Variants in DUSP7 observed in about 807,000 individuals in gnomAD.
DUSP7 encodes the protein dual specificity phosphatase 7, also known as dual specificity protein phosphatase 7.
Under a neutral mutation model 29.8 loss-of-function variants are expected in DUSP7, and 7 were observed. That is an observed-to-expected ratio of 0.24 (90% CI 0.13 to 0.44). The LOEUF (loss-of-function observed/expected upper bound fraction) is 0.44. Among genes scored for constraint, DUSP7 ranks in the 20% least tolerant of loss-of-function variants. The pLI, the probability that DUSP7 is intolerant of heterozygous loss-of-function variation, is 1.00. For synonymous variants in DUSP7, 287 were observed against 275.4 expected (o/e 1.04, Z -0.42); for missense variants, 400 against 583.7 (o/e 0.69, Z 3.24).
Position 52,053,694 on chromosome 3 carries a change from T to TGGGG in DUSP7, c.952+245_952+246insCCCC, listed in dbSNP as rs1299231099. ...CACAAGCTGGACAGCAGAGAGCCCA[T>TGGGG]GACGTGCTGTCAGCTAGGGGGAGCT... On this transcript the variant is annotated intron_variant, in intron 2 of 2. Transcript: ENST00000495880. This position sits in a 1 kb window ranked among gnomAD's most constrained non-coding sequence, Gnocchi z 4.6. 4 of 559,360 alleles carry TGGGG rather than the reference T, an allele frequency of 7.2e-6. No homozygotes were observed. Among genetic ancestry groups the TGGGG allele is most frequent in the Non-Finnish European group, 1.3e-5 (4 of 311,318 alleles). 34.6% of individuals were successfully genotyped at this position (559,360 alleles called of 1,614,324 possible).
intron 1 of DUSP7, among the ~76,000 whole-genome samples, 170 bp downstream of exon 1, chr3:52,055,680 G>A (rs566784260): frequency 3.0e-4 from 46 of 152,354 alleles, no homozygotes; most frequent in African/African-American, 1.0e-3. Flanking sequence ...CCCCGCGCCT[G>A]CCAAACCACA....
rs749973797 is a variant in DUSP7, at chr3:52,054,847, C to G, written c.518-473G>C. On this transcript the variant is annotated intron_variant, in intron 1 of 2. Transcript: ENST00000495880. The surrounding 1 kb of genome is among the most constrained non-coding windows in gnomAD (Gnocchi z 4.1). ...ACAGGTGCCAGAGCCACATCTGGCT[C>G]AGTTAGAGGCAGAGAGGTCCTGGGC... Among the ~76,000 whole-genome samples the G allele has an allele frequency of 2.0e-5, 3 of 152,360 alleles. No homozygotes were observed. The East Asian group carries it at 5.8e-4, about 29-fold the overall frequency.
At position 52,054,003 on chromosome 3, in the gene DUSP7, G is replaced by T; in HGVS notation, c.889C>A (p.Pro297Thr). 6.2e-7 allele frequency: 1 copy of T among 1,614,228 alleles called. No individual in the cohort carries two copies. The highest frequency in any genetic ancestry group is 2.2e-5 in the East Asian group (1 of 44,882). ...TTCTGGCTCCAGTGGTCAGAGATGG[G>T]GATCTGCTTGTAGGTGAACTCGCCG... The part of the protein sequence containing the change: ...HGGEFTYKQI[P>T]ISDHWSQNLS... The change falls in exon 2 of 3, where the codon CCC becomes ACC. Residue 297 changes from proline to threonine, a missense_variant. By Grantham distance (38) the Pro-to-Thr change is conservative. Transcript: ENST00000495880. The surrounding 1 kb of genome is among the most constrained non-coding windows in gnomAD (Gnocchi z 4.1).
rs527671886 is a variant in DUSP7 at position 52,055,723 on chromosome 3, G to T, written c.517+127C>A. ...GACCCGGCTCCAGGAGGGCGGATGC[G>T]GGCCGGGGACGACGTGGCGCCCAGA... On this transcript the variant is annotated intron_variant, in intron 1 of 2. Coordinates refer to ENST00000495880, the MANE Select transcript of DUSP7 (RefSeq NM_001947.4). 5.0e-4 allele frequency: 606 copies of T among 1,201,868 alleles called. 2 individuals carry two copies. Among genetic ancestry groups the T allele is most frequent in the Admixed American group, 8.5e-4 (28 of 33,106 alleles). 74.5% of individuals were successfully genotyped at this position (1,201,868 alleles called of 1,614,324 possible).
At position 52,055,956 on chromosome 3, in the gene DUSP7, G is replaced by A; in HGVS notation, c.411C>T (p.Asp137=). 1 of 1,574,094 alleles carries A rather than the reference G, an allele frequency of 6.4e-7. No individual in the cohort carries two copies. The highest frequency in any genetic ancestry group is 8.6e-7 in the Non-Finnish European group (1 of 1,161,372). Reference sequence around the variant, plus strand: ...CGGGCTGCCACTCGGCCGTGGCCTCGTCGTAGAGCAGCACGGTGGCCGCCT... The same window carrying A: ...CGGGCTGCCACTCGGCCGTGGCCTCATCGTAGAGCAGCACGGTGGCCGCCT... ...RCKAATVLLY[D]EATAEWQPEP... is the part of the protein sequence containing the mutation. Residue 137 remains aspartate, a synonymous_variant, in exon 1 of 3, where the codon GAC becomes GAT. Coordinates refer to ENST00000495880, the MANE Select transcript of DUSP7 (RefSeq NM_001947.4).
In DUSP7 at chr3:52,053,392, C is replaced by T. The variant is rs1161539044; in HGVS notation, c.952+548G>A. On this transcript the variant is annotated intron_variant, in intron 2 of 2. Transcript: ENST00000495880. The surrounding 1 kb of genome is among the most constrained non-coding windows in gnomAD (Gnocchi z 4.6). Reference sequence around the variant, plus strand: ...TTCTCTTGCACTCCTCCCTACACTCCAAGCAAGCCCTACAGGCTGCAGAGA... The same window carrying T: ...TTCTCTTGCACTCCTCCCTACACTCTAAGCAAGCCCTACAGGCTGCAGAGA... The T allele has an allele frequency of 1.1e-5, 2 of 175,846 alleles. No individual in the cohort carries two copies. Among genetic ancestry groups the T allele is most frequent in the East Asian group, 2.9e-4 (2 of 6,916 alleles). The allele number at this position is 175,846 out of a possible 1,614,324, so 10.9% of individuals were successfully genotyped here.
rs1334871704 is a variant in DUSP7 at position 52,050,156 on chromosome 3, C to G, written c.*659G>C. On this transcript the variant is annotated 3_prime_UTR_variant, in exon 3 of 3. Coordinates refer to ENST00000495880, the MANE Select transcript of DUSP7 (RefSeq NM_001947.4). This position sits in a 1 kb window ranked among gnomAD's most constrained non-coding sequence, Gnocchi z 5.0. ...GTAAGCCACCCCTTCAAGAAGGGCCCGCTGAGGAAACAGAGGCTTCACACA... is the reference window on the plus strand; with the variant it reads ...GTAAGCCACCCCTTCAAGAAGGGCCGGCTGAGGAAACAGAGGCTTCACACA... 6.6e-6 allele frequency: 1 copy of G among 152,166 alleles called. No homozygotes were observed. The highest frequency in any genetic ancestry group is 1.5e-5 in the Non-Finnish European group (1 of 68,026). The allele number at this position is 152,166 out of a possible 1,614,324, so 9.4% of individuals were successfully genotyped here.
chr3:52,049,808 G>A lies in DUSP7; in HGVS notation c.*1007C>T, dbSNP rs1045113097. 6.6e-6 allele frequency: 1 copy of A among 152,224 alleles called. No individual in the cohort carries two copies. Among genetic ancestry groups the A allele is most frequent in the Non-Finnish European group, 1.5e-5 (1 of 68,044 alleles). The allele number at this position is 152,224 out of a possible 1,614,324, so 9.4% of individuals were successfully genotyped here. A position where few individuals can be genotyped will look rare whatever the true frequency, so the allele number is the denominator to read the frequency against. On this transcript the variant is annotated 3_prime_UTR_variant, in exon 3 of 3. Transcript: ENST00000495880. ...AGAGAGAGAGACAGACAGACAGACA[G>A]AAGTAGTGGCTAAGTATATAAAAGG...
rs1701846505 is a variant in DUSP7 at position 52,051,484 on chromosome 3, A to G, written c.953-362T>C. On this transcript the variant is annotated intron_variant, in intron 2 of 2. Coordinates refer to ENST00000495880, the MANE Select transcript of DUSP7 (RefSeq NM_001947.4). The surrounding 1 kb of genome is among the most constrained non-coding windows in gnomAD (Gnocchi z 4.8). ...GATCATGGCTAGTCCTACCACTGCC[A>G]TGTGCGTTAACGACTGCTGTCACGG... 9.0e-6 allele frequency: 2 copies of G among 222,456 alleles called. No individual in the cohort carries two copies. The highest frequency in any genetic ancestry group is 4.5e-5 in the African/African-American group (2 of 44,210). The allele number at this position is 222,456 out of a possible 1,614,324, so 13.8% of individuals were successfully genotyped here.
Position 52,056,479 on chromosome 3 carries a change from G to C in DUSP7, c.-113C>G. 1.0e-5 allele frequency: 5 copies of C among 477,006 alleles called. No homozygotes were observed. The highest frequency in any genetic ancestry group is 1.4e-5 in the Non-Finnish European group (5 of 368,490). The allele number at this position is 477,006 out of a possible 1,614,324, so 29.5% of individuals were successfully genotyped here. ...GCGCCCGCCTCCCGCCGAGCTGCGC[G>C]CCCGCCGCCCCGGCCTCCCGGCCTC... On this transcript the variant is annotated 5_prime_UTR_variant, in exon 1 of 3. Coordinates refer to ENST00000495880, the MANE Select transcript of DUSP7 (RefSeq NM_001947.4). This position sits in a 1 kb window ranked among gnomAD's most constrained non-coding sequence, Gnocchi z 6.4.
chr3:52,050,622 A>G lies in DUSP7; in HGVS notation c.*193T>C, dbSNP rs1275289886. 7.6e-6 allele frequency: 5 copies of G among 657,074 alleles called. No homozygotes were observed. Among genetic ancestry groups the G allele is most frequent in the South Asian group, 2.2e-5 (1 of 46,390 alleles). The allele number at this position is 657,074 out of a possible 1,614,324, so 40.7% of individuals were successfully genotyped here. A position where few individuals can be genotyped will look rare whatever the true frequency, so the allele number is the denominator to read the frequency against. On this transcript the variant is annotated 3_prime_UTR_variant, in exon 3 of 3. Transcript: ENST00000495880. The surrounding 1 kb of genome is among the most constrained non-coding windows in gnomAD (Gnocchi z 5.0). ...CCGAGGCCTCTCCAGCAAGCCCTGC[A>G]GTGGGAGACCTTGCCTGCGGGCCCT...
intron 1 of DUSP7, among the ~76,000 whole-genome samples, chr3:52,055,408 T>C (rs1318005745): frequency 3.9e-5 from 6 of 151,978 alleles, no homozygotes; most frequent in African/African-American, 1.5e-4. Context: ...ACCCAAATGG[T>C]CTCCATGCGC....
In DUSP7 at chr3:52,049,853, T is replaced by C. The variant is rs1701828966; in HGVS notation, c.*962A>G. 1 of 152,184 alleles carries C rather than the reference T, an allele frequency of 6.6e-6. No homozygotes were observed. Among genetic ancestry groups the C allele is most frequent in the Admixed American group, 6.5e-5 (1 of 15,284 alleles). The allele number at this position is 152,184 out of a possible 1,614,324, so 9.4% of individuals were successfully genotyped here. A position where few individuals can be genotyped will look rare whatever the true frequency, so the allele number is the denominator to read the frequency against. ...AAAAGGGCTCAGAGCCCAGGCCTTC[T>C]TAGGGGCTGACCCCAGAGGGCTAAT... On this transcript the variant is annotated 3_prime_UTR_variant, in exon 3 of 3. Coordinates refer to ENST00000495880, the MANE Select transcript of DUSP7 (RefSeq NM_001947.4).
rs1367132385 is a variant in DUSP7, at chr3:52,050,991, T to C, written c.1084A>G (p.Lys362Glu). ...LSLNDAYDFV[K>E]RKKSNISPNF... Reference sequence around the variant, plus strand: ...GGCGAGATGTTGGACTTTTTCCTCTTGACAAAGTCGTAGGCGTCGTTGAGT... The same window carrying C: ...GGCGAGATGTTGGACTTTTTCCTCTCGACAAAGTCGTAGGCGTCGTTGAGT... The change falls in exon 3 of 3, where the codon AAG becomes GAG. Residue 362 changes from lysine (K) to glutamate (E), a missense_variant. This residue lies in a region of DUSP7 where 75 missense variants were observed against 95.0 expected (regional missense o/e 0.79). Coordinates refer to ENST00000495880, the MANE Select transcript of DUSP7 (RefSeq NM_001947.4). This position sits in a 1 kb window ranked among gnomAD's most constrained non-coding sequence, Gnocchi z 5.0. 1 of 1,614,256 alleles carries C rather than the reference T, an allele frequency of 6.2e-7. No individual in the cohort carries two copies. The highest frequency in any genetic ancestry group is 1.1e-5 in the South Asian group (1 of 91,084).
In DUSP7 at chr3:52,056,425, GGCCGCGCGGGCCCCA is replaced by G. The variant is rs1701901794; in HGVS notation, c.-74_-60del. Reference sequence around the variant, plus strand: ...CAGCCCTGCCCTGGGACGGCGCCCCGGCCGCGCGGGCCCCAGCCGCGTCTCCGGGCGCCCGCCTCC... The same window carrying G: ...CAGCCCTGCCCTGGGACGGCGCCCCGGCCGCGTCTCCGGGCGCCCGCCTCC... On this transcript the variant is annotated 5_prime_UTR_variant, in exon 1 of 3. Coordinates refer to ENST00000495880, the MANE Select transcript of DUSP7 (RefSeq NM_001947.4). This position sits in a 1 kb window ranked among gnomAD's most constrained non-coding sequence, Gnocchi z 6.4. 4.4e-6 allele frequency: 4 copies of G among 901,632 alleles called. No individual in the cohort carries two copies. The highest frequency in any genetic ancestry group is 6.3e-5 in the Admixed American group (1 of 15,840). The allele number at this position is 901,632 out of a possible 1,614,324, so 55.9% of individuals were successfully genotyped here.
rs968365626 is a variant in DUSP7, at chr3:52,054,779, G to A, written c.518-405C>T. On this transcript the variant is annotated intron_variant, in intron 1 of 2. Transcript: ENST00000495880. This position sits in a 1 kb window ranked among gnomAD's most constrained non-coding sequence, Gnocchi z 4.1. ...AAGAAAAGCAGACAACCCCATCTTAGCCAGCACCTCTGGGTTGGCAAACTC... is the reference window on the plus strand; with the variant it reads ...AAGAAAAGCAGACAACCCCATCTTAACCAGCACCTCTGGGTTGGCAAACTC... Among the ~76,000 whole-genome samples, 1 of 152,186 alleles carries A rather than the reference G, an allele frequency of 6.6e-6. No homozygotes were observed. Among genetic ancestry groups the A allele is most frequent in the African/African-American group, 2.4e-5 (1 of 41,440 alleles).
At position 52,053,837 on chromosome 3, in the gene DUSP7, G is replaced by T. The variant is rs765094050; in HGVS notation, c.952+103C>A. On this transcript the variant is annotated intron_variant, in intron 2 of 2. Transcript: ENST00000495880. This position sits in a 1 kb window ranked among gnomAD's most constrained non-coding sequence, Gnocchi z 4.6. ...GCTGGCACACGTAGGGCACACACAG[G>T]TCTCAACAGGCCCAGAGGTACCCAG... The T allele has an allele frequency of 1.5e-6, 2 of 1,312,234 alleles. No homozygotes were observed. Among genetic ancestry groups the T allele is most frequent in the East Asian group, 4.8e-5 (2 of 41,966 alleles). The allele number at this position is 1,312,234 out of a possible 1,614,324, so 81.3% of individuals were successfully genotyped here.
At position 52,050,824 on chromosome 3, in the gene DUSP7, C is replaced by T. The variant is rs1701838588; in HGVS notation, c.1251G>A (p.Glu417=). Residue 417 remains glutamate, a synonymous_variant, in exon 3 of 3, where the codon GAG becomes GAA. Coordinates refer to ENST00000495880, the MANE Select transcript of DUSP7 (RefSeq NM_001947.4). This position sits in a 1 kb window ranked among gnomAD's most constrained non-coding sequence, Gnocchi z 5.0. The part of the protein sequence containing the change: ...NHNLFPLNTL[E]ST ...CCCCGTGCACCAGGCCTCACGTGGA[C>T]TCCAGCGTATTGAGTGGGAACAGGT... 1 of 1,610,352 alleles carries T rather than the reference C, an allele frequency of 6.2e-7. No homozygotes were observed. The highest frequency in any genetic ancestry group is 8.5e-7 in the Non-Finnish European group (1 of 1,176,730).
rs1406242571 is a variant in DUSP7, at chr3:52,055,016, G to A, written c.518-642C>T. On this transcript the variant is annotated intron_variant, in intron 1 of 2. Coordinates refer to ENST00000495880, the MANE Select transcript of DUSP7 (RefSeq NM_001947.4). ...TCCACTTCTCTAGAACCCTCCCTTA[G>A]AACACAAGCCCCACCCCCAGCCTTG... 2.0e-5 allele frequency among the ~76,000 whole-genome samples: 3 copies of A among 152,136 alleles called. No individual in the cohort carries two copies. In the East Asian group the frequency reaches 5.8e-4, roughly 29 times the overall value.
Sources: gnomAD v4.1 joint callset for allele counts (sites outside exome capture counted in the v4.1 genomes callset) on GRCh38, gnomAD v4.1.1 for gene constraint, gnomAD v4.1.1 regional missense constraint, Gnocchi (gnomAD v3.1) non-coding constraint, MANE v1.5 for transcripts, NCBI Gene and HGNC (gene_info 2026-07-23, HGNC 2026-07-21) for gene names.